The following ACACB variants were observed in gnomAD, a reference collection of about 807,000 sequenced individuals.
ACACB encodes the protein acetyl-CoA carboxylase beta, also known as acetyl-CoA carboxylase 2.
In ACACB, 209 loss-of-function variants were observed where a neutral mutation model predicts 278.8. The ratio of observed to expected loss-of-function variants is 0.75; its 90% CI spans 0.67 to 0.84. ACACB has a LOEUF of 0.84. Among genes scored for constraint, ACACB ranks in the 40% least tolerant of loss-of-function variants. ACACB has a pLI of 0.00. For missense variants in ACACB, 2,850 were observed against 3,269.0 expected (o/e 0.87, Z 3.13); for synonymous variants, 1,174 against 1,285.6 (o/e 0.91, Z 1.86).
At chr12:109,193,562 G>A (rs966266293) in intron 15 of ACACB, 86 bp from the exon 16 acceptor site, 2 of 1,125,106 alleles carry the variant, frequency 1.8e-6, no homozygotes, top group African/African-American at 3.1e-5. Flanking sequence ...GATGCAGAGA[G>A]TTGCGTAATT....
chr12:109,241,092 G>A lies in ACACB; in HGVS notation c.4833G>A (p.Val1611=). The part of the protein sequence containing the change: ...IMDPFKIEES[V]RYMVMRYGSR... Reference sequence around the variant, plus strand: ...TTTTGGGGCAGATCGAGGAGTCCGTGCGCTACATGGTTATGCGCTACGGCA... The same window carrying A: ...TTTTGGGGCAGATCGAGGAGTCCGTACGCTACATGGTTATGCGCTACGGCA... The change falls in exon 36 of 53, where the codon GTG becomes GTA. Residue 1611 remains valine (V), a synonymous_variant. Coordinates refer to ENST00000338432, the MANE Select transcript of ACACB (RefSeq NM_001093.4). 6.2e-7 allele frequency: 1 copy of A among 1,614,078 alleles called. No individual in the cohort carries two copies. Among genetic ancestry groups the A allele is most frequent in the South Asian group, 1.1e-5 (1 of 91,070 alleles).
At chr12:109,190,428 A>G (rs1210459395) in intron 13 of ACACB, among the ~76,000 whole-genome samples, 1 of 151,994 alleles carries the variant, frequency 6.6e-6, no homozygotes, top group Admixed American at 6.6e-5. Context: ...GGAGATTTGG[A>G]GTCTGTGTGT....
chr12:109,162,200 A>G (rs1039459984), intron 2 of ACACB, among the ~76,000 whole-genome samples: 2 of 152,026 alleles, frequency 1.3e-5, no homozygotes, highest in Non-Finnish European at 2.9e-5. Context: ...GCTGGTCTCA[A>G]ACTCTTGCCC....
intron 2 of ACACB, among the ~76,000 whole-genome samples, chr12:109,151,391 C>T (rs1463728327): frequency 1.3e-5 from 2 of 152,016 alleles, no homozygotes; most frequent in South Asian, 2.1e-4. Context: ...ATACATTCCC[C>T]TCCCCCTTAA....
At chr12:109,162,202 C>T (rs1379246398) in intron 2 of ACACB, among the ~76,000 whole-genome samples, 1 of 152,124 alleles carries the variant, frequency 6.6e-6, no homozygotes, top group Non-Finnish European at 1.5e-5. Context: ...TGGTCTCAAA[C>T]TCTTGCCCTC....
chr12:109,231,872 C>T (rs987226978), intron 28 of ACACB, among the ~76,000 whole-genome samples: 2 of 152,166 alleles, frequency 1.3e-5, no homozygotes, highest in African/African-American at 2.4e-5. Context: ...TGCTCTGCAT[C>T]GAAATCTCAG....
Position 109,197,066 on chromosome 12 carries a change from T to C in ACACB, c.2540T>C (p.Ile847Thr), listed in dbSNP as rs1367133950. 6.3e-7 allele frequency: 1 copy of C among 1,594,996 alleles called. No individual in the cohort carries two copies. The highest frequency in any genetic ancestry group is 8.5e-7 in the Non-Finnish European group (1 of 1,172,688). The part of the protein sequence containing the change: ...VLIMNGCHIE[I>T]DAHRLNDGGL... ...ATCATGAATGGCTGCCACATCGAGA[T>C]TGATGCCCACCGGCTGAATGATGGG... Residue 847 changes from isoleucine (I) to threonine (T), a missense_variant, in exon 17 of 53, where the codon ATT (isoleucine) becomes ACT (threonine). By Grantham distance (89) the Ile-to-Thr change is moderately conservative. Coordinates refer to ENST00000338432, the MANE Select transcript of ACACB (RefSeq NM_001093.4).
chr12:109,139,896 A>G lies in ACACB; in HGVS notation c.491A>G (p.Asn164Ser), dbSNP rs577730043. ...AACATCAAGAGGCAGCTGATGACCAACTTCATCCTGGGCTCTTTTGATGAC... is the reference window on the plus strand; with the variant it reads ...AACATCAAGAGGCAGCTGATGACCAGCTTCATCCTGGGCTCTTTTGATGAC... ...QANIKRQLMT[N>S]FILGSFDDYS... is the part of the protein sequence containing the mutation. Residue 164 changes from asparagine to serine, a missense_variant, in exon 2 of 53, where the codon AAC (asparagine) becomes AGC (serine). Coordinates refer to ENST00000338432, the MANE Select transcript of ACACB (RefSeq NM_001093.4). The G allele has an allele frequency of 9.3e-6, 15 of 1,614,134 alleles. No individual in the cohort carries two copies. The highest frequency in any genetic ancestry group is 1.6e-4 in the Middle Eastern group (1 of 6,062).
intron 16 of ACACB, among the ~76,000 whole-genome samples, chr12:109,194,345 G>A (rs1316704928): frequency 6.6e-6 from 1 of 152,100 alleles, no homozygotes; most frequent in East Asian, 1.9e-4. Context: ...ATAGGCATAT[G>A]CCACCATGCC....
At chr12:109,245,797 A>C in intron 38 of ACACB, 49 bp downstream of exon 38, 1 of 1,599,868 alleles carries the variant, frequency 6.3e-7, no homozygotes, top group Non-Finnish European at 8.5e-7. Context: ...CCCCCTTAAA[A>C]ATATTTTTGG....
chr12:109,140,195 G>C (rs941379637), intron 2 of ACACB, 137 bp downstream of exon 2: 3 of 734,758 alleles, frequency 4.1e-6, no homozygotes, highest in Admixed American at 7.5e-5. Flanking sequence ...AAAAGGAGAA[G>C]ACACGAGCCT....
chr12:109,241,626 C>T (rs1223809059), intron 36 of ACACB: 12 of 304,988 alleles, frequency 3.9e-5, no homozygotes, highest in Non-Finnish European at 5.7e-5. Context: ...GGATTATAGG[C>T]GTGAGCCACC....
In ACACB at chr12:109,243,567, C is replaced by G. The variant is rs151042467; in HGVS notation, c.5178+975C>G. 1.4e-3 allele frequency among the ~76,000 whole-genome samples: 216 copies of G among 152,238 alleles called. 1 individual carries two copies. The highest frequency in any genetic ancestry group is 5.0e-3 in the African/African-American group (207 of 41,526). The stretch of plus-strand genomic sequence containing the variant: ...TGAGCTGAGATGGCCCCACTGCACT[C>G]TAGCCCTGGTGACAGAGCGAGACTC... On this transcript the variant is annotated intron_variant, in intron 37 of 52. Transcript: ENST00000338432.
At chr12:109,257,297 T>A (rs2047252878) in intron 45 of ACACB, among the ~76,000 whole-genome samples, 1 of 151,318 alleles carries the variant, frequency 6.6e-6, no homozygotes, top group Admixed American at 6.6e-5. Flanking sequence ...ATAAAATAAA[T>A]TATATTTTTA....
In ACACB at chr12:109,265,425, T is replaced by C. The variant is rs564704950; in HGVS notation, c.7150T>C (p.Trp2384Arg). 1.5e-5 allele frequency: 25 copies of C among 1,613,682 alleles called. No homozygotes were observed. The Admixed American group carries it at 2.3e-4, about 15-fold the overall frequency. ...GGACAACAACCAGGTGGTTGTGCAGTGGCTGGAACAGCACTGGCAGGCAGG... is the reference window on the plus strand; with the variant it reads ...GGACAACAACCAGGTGGTTGTGCAGCGGCTGGAACAGCACTGGCAGGCAGG... Reference protein sequence around the residue: ...LWDNNQVVVQWLEQHWQAGDG... With the variant: ...LWDNNQVVVQRLEQHWQAGDG... The change falls in exon 52 of 53, where the codon TGG (tryptophan) becomes CGG (arginine). Residue 2384 changes from tryptophan (W) to arginine (R), a missense_variant. This residue lies in a region of ACACB where 579 missense variants were observed against 684.6 expected (regional missense o/e 0.85). Transcript: ENST00000338432.
intron 11 of ACACB, among the ~76,000 whole-genome samples, chr12:109,182,699 T>A (rs1404196337): frequency 1.3e-5 from 2 of 152,332 alleles, no homozygotes; most frequent in East Asian, 3.9e-4. Flanking sequence ...TGGTTATTAA[T>A]CCCTCGTCAG....
chr12:109,210,231 A>ATG, intron 21 of ACACB, among the ~76,000 whole-genome samples: 1 of 7,050 alleles, frequency 1.4e-4, no homozygotes, highest in African/African-American at 6.5e-4. Context: ...ATGTGTGTAT[A>ATG]TGTATATATG....
At chr12:109,201,530 G>A (rs374562403) in intron 18 of ACACB, 37 bp from the exon 19 acceptor site, 12 of 1,608,902 alleles carry the variant, frequency 7.5e-6, no homozygotes, top group South Asian at 1.1e-5. Flanking sequence ...TGTCAATCCC[G>A]GTGGGCTCTG....
chr12:109,164,899 A>G (rs1324123556), intron 2 of ACACB, among the ~76,000 whole-genome samples: 3 of 151,724 alleles, frequency 2.0e-5, no homozygotes, highest in Non-Finnish European at 4.4e-5. Flanking sequence ...AGCCTTTCTT[A>G]GAAAGCTACT....
Sources: gnomAD v4.1 joint callset for allele counts (sites outside exome capture counted in the v4.1 genomes callset) on GRCh38, gnomAD v4.1.1 for gene constraint, gnomAD v4.1.1 regional missense constraint, MANE v1.5 for transcripts, NCBI Gene and HGNC (gene_info 2026-07-23, HGNC 2026-07-21) for gene names.